Variants in PHACTR2 observed in about 807,000 individuals in gnomAD.
PHACTR2 encodes chromosome 6 open reading frame 56.
PHACTR2 carries 30 observed loss-of-function variants against 76.0 expected under a neutral mutation model. The observed-to-expected ratio is 0.39, with a 90% CI of 0.30 to 0.54. PHACTR2 has a LOEUF of 0.54. Ranked by LOEUF, PHACTR2 falls within the 20% of genes least tolerant of loss-of-function variation. The pLI is 0.61. For missense variants in PHACTR2, 696 were observed against 781.1 expected (o/e 0.89, Z 1.30); for synonymous variants, 292 against 292.5 (o/e 1.00, Z 0.02).
Position 143,700,936 on chromosome 6 carries a change from C to T in PHACTR2, c.47-11080C>T, listed in dbSNP as rs964384203. Among the ~76,000 whole-genome samples, 13 of 152,232 alleles carry T rather than the reference C, an allele frequency of 8.5e-5. No individual in the cohort carries two copies. The highest frequency in any genetic ancestry group is 7.2e-4 in the Admixed American group (11 of 15,290). On this transcript the variant is annotated intron_variant, in intron 1 of 12. Coordinates refer to ENST00000440869, the MANE Select transcript of PHACTR2 (RefSeq NM_001100164.2). This position sits in a 1 kb window ranked among gnomAD's most constrained non-coding sequence, Gnocchi z 4.1. ...CATCTTGCTATTCCTAAGCAGTCATCCTATCTGTTCATAGAGACAACCCTT... is the reference window on the plus strand; with the variant it reads ...CATCTTGCTATTCCTAAGCAGTCATTCTATCTGTTCATAGAGACAACCCTT...
At chr6:143,771,172 ATGTATATATATATATATGTGTG>A (rs1775110050) in intron 6 of PHACTR2, among the ~76,000 whole-genome samples, 15 of 22,154 alleles carry the variant, frequency 6.8e-4, no homozygotes, top group African/African-American at 2.6e-3. Context: ...ATATATATAT[ATGTATATATATATATATGTGTG>A]TATATATATA....
At position 143,578,974 on chromosome 6, in the gene PHACTR2, G is replaced by T. The variant is rs1007266284; in HGVS notation, c.217+41767G>T. On this transcript the variant is annotated intron_variant, in intron 1 of 11. Transcript: ENST00000367584. This position sits in a 1 kb window ranked among gnomAD's most constrained non-coding sequence, Gnocchi z 4.5. ...GCTGGAGTGCAGTGGCGTGATCACA[G>T]CTCACTGCAACCTCCGTCTCCCGGG... 5.9e-5 allele frequency among the ~76,000 whole-genome samples: 9 copies of T among 152,218 alleles called. No individual in the cohort carries two copies. Among genetic ancestry groups the T allele is most frequent in the African/African-American group, 2.2e-4 (9 of 41,532 alleles).
intron 11 of PHACTR2, among the ~76,000 whole-genome samples, chr6:143,802,647 C>G (rs1313416707): frequency 1.1e-5 from 1 of 90,168 alleles, no homozygotes; most frequent in Admixed American, 1.3e-4. Context: ...GACCCTGTCT[C>G]AAAAAAAAAA....
chr6:143,786,153 C>G (rs1337198023), intron 10 of PHACTR2, among the ~76,000 whole-genome samples: 2 of 152,060 alleles, frequency 1.3e-5, no homozygotes, highest in Non-Finnish European at 2.9e-5. Flanking sequence ...CTTTTAACAG[C>G]ACCCAAGTCA....
rs553458164 is a variant in PHACTR2, at chr6:143,574,984, T to A, written c.217+37777T>A. Among the ~76,000 whole-genome samples, 3 of 152,376 alleles carry A rather than the reference T, an allele frequency of 2.0e-5. No individual in the cohort carries two copies. The East Asian group carries it at 5.8e-4, about 29-fold the overall frequency. ...CCTTTATCTATACAGAATTCCTAGA[T>A]GTTGACTGGCAGATTAGATTTCTCA... On this transcript the variant is annotated intron_variant, in intron 1 of 11. Transcript: ENST00000367584.
chr6:143,600,803 T>C (rs1312307981), intron 1 of PHACTR2, among the ~76,000 whole-genome samples: 1 of 152,258 alleles, frequency 6.6e-6, no homozygotes, highest in African/African-American at 2.4e-5. Flanking sequence ...TTAGTCAAAT[T>C]GAGACAGAAG....
At position 143,767,254 on chromosome 6, in the gene PHACTR2, G is replaced by C. The variant is rs1779582497; in HGVS notation, c.1232+1456G>C. Among the ~76,000 whole-genome samples, 1 of 152,164 alleles carries C rather than the reference G, an allele frequency of 6.6e-6. No homozygotes were observed. The highest frequency in any genetic ancestry group is 6.5e-5 in the Admixed American group (1 of 15,286). On this transcript the variant is annotated intron_variant, in intron 6 of 12. Transcript: ENST00000440869. The surrounding 1 kb of genome is among the most constrained non-coding windows in gnomAD (Gnocchi z 4.4). ...AAAATAGTTTGCACCAGACTGCCCAGTTGGTGGTGGTGAAGCCAGAATGCA... is the reference window on the plus strand; with the variant it reads ...AAAATAGTTTGCACCAGACTGCCCACTTGGTGGTGGTGAAGCCAGAATGCA...
chr6:143,758,896 C>T (rs1582848356), intron 4 of PHACTR2, among the ~76,000 whole-genome samples: 1 of 152,148 alleles, frequency 6.6e-6, no homozygotes, highest in Non-Finnish European at 1.5e-5. Flanking sequence ...ACTTCACACT[C>T]ATTAGGATAA....
In PHACTR2 at chr6:143,767,538, G is replaced by A. The variant is rs373078122; in HGVS notation, c.1232+1740G>A. 4.6e-5 allele frequency among the ~76,000 whole-genome samples: 7 copies of A among 152,280 alleles called. No individual in the cohort carries two copies. The highest frequency in any genetic ancestry group is 1.4e-4 in the African/African-American group (6 of 41,550). ...TATGGTGTCTTTCTTAGGACATTTT[G>A]TGCTGCTGTAATAGAGTACCTGAGA... On this transcript the variant is annotated intron_variant, in intron 6 of 12. Coordinates refer to ENST00000440869, the MANE Select transcript of PHACTR2 (RefSeq NM_001100164.2). This position sits in a 1 kb window ranked among gnomAD's most constrained non-coding sequence, Gnocchi z 4.4.
At position 143,783,346 on chromosome 6, in the gene PHACTR2, A is replaced by C; in HGVS notation, c.1707+66A>C. The C allele has an allele frequency of 1.1e-6, 1 of 877,872 alleles. No individual in the cohort carries two copies. Among genetic ancestry groups the C allele is most frequent in the Non-Finnish European group, 1.9e-6 (1 of 533,168 alleles). 54.4% of individuals were successfully genotyped at this position (877,872 alleles called of 1,614,324 possible). The stretch of plus-strand genomic sequence containing the variant: ...GATATACTTTTAAAAAAAAATACTA[A>C]TCCTCTCTGTATGTGTAAATCAGAT... On this transcript the variant is annotated intron_variant, in intron 10 of 12. Transcript: ENST00000440869. The surrounding 1 kb of genome is among the most constrained non-coding windows in gnomAD (Gnocchi z 5.2).
intron 1 of PHACTR2, among the ~76,000 whole-genome samples, chr6:143,568,230 A>T (rs1441228666): frequency 6.6e-6 from 1 of 152,172 alleles, no homozygotes. Context: ...CCACCAAAGG[A>T]TTGTCCCCTG....
chr6:143,814,728 A>G (rs775621635), intron 12 of PHACTR2, among the ~76,000 whole-genome samples: 4 of 151,060 alleles, frequency 2.6e-5, no homozygotes, highest in Non-Finnish European at 4.4e-5. Flanking sequence ...TCAGCCTCCC[A>G]AATAGCTGGG....
intron 2 of PHACTR2, among the ~76,000 whole-genome samples, chr6:143,729,839 C>G (rs1048865826): frequency 2.6e-5 from 4 of 151,992 alleles, no homozygotes; most frequent in African/African-American, 9.7e-5. Context: ...CTTTTAAGAG[C>G]AAAGGCTCTT....
rs1775794651 is a variant in PHACTR2, at chr6:143,599,811, G to A, written c.217+62604G>A. On this transcript the variant is annotated intron_variant, in intron 1 of 11. Coordinates refer to the PHACTR2 transcript ENST00000367584. The surrounding 1 kb of genome is among the most constrained non-coding windows in gnomAD (Gnocchi z 4.6). The stretch of plus-strand genomic sequence containing the variant: ...TGCAAGGGATTTGAGAGGTCAGCAG[G>A]CCATTCTGCTGACTTGGGCCCAAAT... Among the ~76,000 whole-genome samples, 2 of 152,144 alleles carry A rather than the reference G, an allele frequency of 1.3e-5. No individual in the cohort carries two copies. Among genetic ancestry groups the A allele is most frequent in the Non-Finnish European group, 2.9e-5 (2 of 68,014 alleles).
In PHACTR2 at chr6:143,608,462, C is replaced by G. The variant is rs538968765; in HGVS notation, c.13+140C>G. On this transcript the variant is annotated intron_variant, in intron 1 of 11. Coordinates refer to the PHACTR2 transcript ENST00000305766. The surrounding 1 kb of genome is among the most constrained non-coding windows in gnomAD (Gnocchi z 4.6). Reference sequence around the variant, plus strand: ...ACTGAGACGCGTGTAATATGTGAACCCCGATGCATTGTCCACAAGACAATT... The same window carrying G: ...ACTGAGACGCGTGTAATATGTGAACGCCGATGCATTGTCCACAAGACAATT... The G allele has an allele frequency of 4.1e-5, 33 of 795,520 alleles. No individual in the cohort carries two copies. The highest frequency in any genetic ancestry group is 2.9e-4 in the Middle Eastern group (1 of 3,420). The allele number at this position is 795,520 out of a possible 1,614,324, so 49.3% of individuals were successfully genotyped here. A position where few individuals can be genotyped will look rare whatever the true frequency, so the allele number is the denominator to read the frequency against.
In PHACTR2 at chr6:143,560,882, G is replaced by GGTGTGTGTGT. The variant is rs36070460; in HGVS notation, c.217+23710_217+23719dup. The stretch of plus-strand genomic sequence containing the variant: ...TGGGATATAAAATGCAAAGCAGAGG[G>GGTGTGTGTGT]GTGTGTGTGTGTGTGTGTGTGTGTG... On this transcript the variant is annotated intron_variant, in intron 1 of 11. Transcript: ENST00000367584. Among the ~76,000 whole-genome samples, 113 of 133,092 alleles carry GGTGTGTGTGT rather than the reference G, an allele frequency of 8.5e-4. 2 individuals are homozygous for GGTGTGTGTGT. Among genetic ancestry groups the GGTGTGTGTGT allele is most frequent in the African/African-American group, 2.2e-3 (77 of 34,412 alleles). The allele number at this position is 133,092 out of a possible 152,430, so 87.3% of individuals were successfully genotyped here.
chr6:143,574,335 C>T (rs566965095), intron 1 of PHACTR2, among the ~76,000 whole-genome samples: 11 of 152,206 alleles, frequency 7.2e-5, no homozygotes, highest in African/African-American at 1.4e-4. Flanking sequence ...CACATTCTAT[C>T]GATAAAAACA....
chr6:143,555,788 T>C (rs750381450), intron 1 of PHACTR2, among the ~76,000 whole-genome samples: 129 of 152,254 alleles, frequency 8.5e-4, no homozygotes, highest in Non-Finnish European at 1.6e-3. Context: ...TTTGGTGAAA[T>C]GTTGACGCTA....
intron 2 of PHACTR2, among the ~76,000 whole-genome samples, chr6:143,712,829 A>G (rs1009268758): frequency 6.6e-6 from 1 of 152,180 alleles, no homozygotes; most frequent in Non-Finnish European, 1.5e-5. Context: ...AAAATGTTTG[A>G]TTGTTAATTT....
Sources: gnomAD v4.1 joint callset for allele counts (sites outside exome capture counted in the v4.1 genomes callset) on GRCh38, gnomAD v4.1.1 for gene constraint, Gnocchi (gnomAD v3.1) non-coding constraint, MANE v1.5 for transcripts, NCBI Gene and HGNC (gene_info 2026-07-23, HGNC 2026-07-21) for gene names.